GTF2IRD1: variants seen among roughly 807,000 people sequenced by gnomAD.
GTF2IRD1 encodes the protein GTF2I repeat domain containing 1.
GTF2IRD1 carries 26 observed loss-of-function variants against 113.2 expected under a neutral mutation model. That is an observed-to-expected ratio of 0.23 (90% CI 0.17 to 0.32). GTF2IRD1 has a LOEUF of 0.32. GTF2IRD1 is among the 10% of genes least tolerant of loss of function. The pLI is 1.00. For missense variants in GTF2IRD1, 864 were observed against 1,280.8 expected (o/e 0.67, Z 4.97); for synonymous variants, 484 against 529.1 (o/e 0.91, Z 1.17).
chr7:74,540,988 T>C (rs1312406224), intron 14 of GTF2IRD1, among the ~76,000 whole-genome samples: 3 of 151,108 alleles, frequency 2.0e-5, no homozygotes, highest in Non-Finnish European at 4.4e-5. Flanking sequence ...GGTCTCGAAC[T>C]CCTGACCTCA....
At chr7:74,524,243 C>A (rs893407431) in intron 8 of GTF2IRD1, 89 bp downstream of exon 8, 67 of 832,924 alleles carry the variant, frequency 8.0e-5, no homozygotes, top group African/African-American at 2.2e-4. Flanking sequence ...CCCAACACGG[C>A]AGCGGGAGCC....
intron 20 of GTF2IRD1, 71 bp from the exon 21 acceptor site, chr7:74,558,790 G>A (rs1256796897): frequency 4.8e-5 from 60 of 1,246,328 alleles, no homozygotes; most frequent in African/African-American, 7.6e-5. Context: ...TCACATCCCC[G>A]CAATCCCATG....
chr7:74,553,042 T>A (rs1554355519), intron 17 of GTF2IRD1, among the ~76,000 whole-genome samples: 3 of 152,132 alleles, frequency 2.0e-5, no homozygotes, highest in Non-Finnish European at 4.4e-5. Flanking sequence ...TTCACCATGT[T>A]GGTCAGGCTG....
intron 25 of GTF2IRD1, among the ~76,000 whole-genome samples, chr7:74,597,269 C>T (rs587607097): frequency 9.9e-5 from 15 of 151,940 alleles, no homozygotes; most frequent in African/African-American, 3.6e-4. Flanking sequence ...GTCTCGAACT[C>T]CTGACCTCAT....
At chr7:74,545,157 T>C (rs189385809) in intron 15 of GTF2IRD1, among the ~76,000 whole-genome samples, 6 of 152,188 alleles carry the variant, frequency 3.9e-5, no homozygotes, top group African/African-American at 1.4e-4. Context: ...AAGCACAAAA[T>C]TTGCTTTGTG....
chr7:74,533,920 T>G (rs1554349552), intron 9 of GTF2IRD1, among the ~76,000 whole-genome samples: 2 of 151,990 alleles, frequency 1.3e-5, no homozygotes, highest in Admixed American at 1.3e-4. Context: ...TCCCAGCTAC[T>G]TGGGAGGTTG....
chr7:74,529,647 G>C (rs587741992), intron 8 of GTF2IRD1, 87 bp from the exon 9 acceptor site: 1 of 1,062,448 alleles, frequency 9.4e-7, no homozygotes, highest in Non-Finnish European at 1.4e-6. Flanking sequence ...TGGGGACGGT[G>C]GGAGGTGATG....
At chr7:74,536,840 G>A (rs1256267415) in intron 11 of GTF2IRD1, among the ~76,000 whole-genome samples, 8 of 152,062 alleles carry the variant, frequency 5.3e-5, no homozygotes, top group Non-Finnish European at 1.2e-4. Flanking sequence ...GCCGGACTTG[G>A]TGGCTCACTC....
chr7:74,558,347 C>CT (rs1193682168), intron 20 of GTF2IRD1, among the ~76,000 whole-genome samples: 1,041 of 60,462 alleles, frequency 0.017, 200 homozygotes, highest in Non-Finnish European at 0.02. Context: ...TCTTTCGTTT[C>CT]TTTTTTTTTT....
intron 26 of GTF2IRD1, chr7:74,601,540 A>G (rs1217728863): frequency 2.3e-6 from 3 of 1,300,846 alleles, no homozygotes; most frequent in Non-Finnish European, 3.0e-6. Flanking sequence ...TGGCAGGTCA[A>G]GTCGGGTGGA....
chr7:74,468,386 G>A lies in GTF2IRD1; in HGVS notation c.-7+14210G>A, dbSNP rs554264580. On this transcript the variant is annotated intron_variant, in intron 1 of 26. Transcript: ENST00000424337. Reference sequence around the variant, plus strand: ...AAAAAAAAAAAAACCCAGCCAGGCCGCAGTGGCTCACTCCTGTAATCCCAG... The same window carrying A: ...AAAAAAAAAAAAACCCAGCCAGGCCACAGTGGCTCACTCCTGTAATCCCAG... Among the ~76,000 whole-genome samples, 213 of 149,846 alleles carry A rather than the reference G, an allele frequency of 1.4e-3. 1 individual carries two copies. The highest frequency in any genetic ancestry group is 5.0e-3 in the African/African-American group (202 of 40,788).
chr7:74,478,421 T>C (rs1794552284), intron 1 of GTF2IRD1, among the ~76,000 whole-genome samples: 1 of 152,132 alleles, frequency 6.6e-6, no homozygotes, highest in Non-Finnish European at 1.5e-5. Context: ...CATCACCCTT[T>C]TGCTCAGTGG....
At chr7:74,495,172 T>G (rs1795583615) in intron 1 of GTF2IRD1, among the ~76,000 whole-genome samples, 1 of 152,100 alleles carries the variant, frequency 6.6e-6, no homozygotes, top group Non-Finnish European at 1.5e-5. Context: ...AGTACCCAGG[T>G]GTCTGGGGTG....
intron 1 of GTF2IRD1, among the ~76,000 whole-genome samples, chr7:74,488,157 G>T (rs947563572): frequency 6.6e-6 from 1 of 152,108 alleles, no homozygotes; most frequent in Non-Finnish European, 1.5e-5. Flanking sequence ...GGCGACACAC[G>T]CTGTGGTCCC....
chr7:74,493,934 G>A (rs782137196), intron 1 of GTF2IRD1, among the ~76,000 whole-genome samples: 71 of 152,020 alleles, frequency 4.7e-4, no homozygotes, highest in Non-Finnish European at 5.9e-4. Flanking sequence ...ACCCAGGCTG[G>A]TCTTGAACTC....
chr7:74,543,851 C>A (rs1798767926), intron 14 of GTF2IRD1, among the ~76,000 whole-genome samples: 1 of 109,306 alleles, frequency 9.1e-6, no homozygotes, highest in African/African-American at 3.7e-5. Flanking sequence ...GCCTGGGGAG[C>A]ATAGCAAGAC....
intron 17 of GTF2IRD1, among the ~76,000 whole-genome samples, chr7:74,552,619 A>G (rs1799379076): frequency 6.6e-6 from 1 of 152,224 alleles, no homozygotes; most frequent in East Asian, 1.9e-4. Context: ...CTTAAGAGAC[A>G]GTGTCTCATT....
intron 23 of GTF2IRD1, among the ~76,000 whole-genome samples, chr7:74,590,572 T>C (rs782651819): frequency 2.5e-4 from 38 of 151,610 alleles, no homozygotes; most frequent in Non-Finnish European, 3.8e-4. Flanking sequence ...TGTATTTTTT[T>C]AGTAGAGACG....
chr7:74,512,910 G>A lies in GTF2IRD1; in HGVS notation c.204G>A (p.Glu68=). Residue 68 remains glutamate, a synonymous_variant, in exon 3 of 27, where the codon GAG becomes GAA. Coordinates refer to ENST00000424337, the MANE Select transcript of GTF2IRD1 (RefSeq NM_005685.4). The surrounding 1 kb of genome is among the most constrained non-coding windows in gnomAD (Gnocchi z 4.4). Reference sequence around the variant, plus strand: ...AGAGCGCCTTTGTGGTGGGCACAGAGAAGGGGAGAATGTTCCTGAATGCCC... The same window carrying A: ...AGAGCGCCTTTGTGGTGGGCACAGAAAAGGGGAGAATGTTCCTGAATGCCC... The part of the protein sequence containing the change: ...HDESAFVVGT[E]KGRMFLNARK... The A allele has an allele frequency of 1.2e-6, 2 of 1,614,160 alleles. No homozygotes were observed. Among genetic ancestry groups the A allele is most frequent in the Non-Finnish European group, 1.7e-6 (2 of 1,180,000 alleles).
Sources: allele counts gnomAD v4.1 joint callset (sites outside exome capture counted in the v4.1 genomes callset), GRCh38; gene constraint gnomAD v4.1.1; non-coding constraint Gnocchi (gnomAD v3.1); transcripts MANE v1.5; gene names NCBI Gene and HGNC (gene_info 2026-07-23, HGNC 2026-07-21).